CNTNAP2: variants seen among roughly 807,000 people sequenced by gnomAD.
CNTNAP2 encodes contactin associated protein 2, also known as contactin-associated protein-like 2.
CNTNAP2 carries 98 observed loss-of-function variants against 155.2 expected under a neutral mutation model. That is an observed-to-expected ratio of 0.63 (90% CI 0.54 to 0.75). The LOEUF (loss-of-function observed/expected upper bound fraction) is 0.75. Ranked by LOEUF, CNTNAP2 falls within the 30% of genes least tolerant of loss-of-function variation. The probability of loss-of-function intolerance (pLI) is 0.00; values close to 1 mark genes in which losing one functional copy is unlikely to be tolerated. For missense variants in CNTNAP2, 1,727 were observed against 1,688.1 expected, an observed-to-expected ratio of 1.02 and a Z score of -0.40; for synonymous variants, 651 against 631.2, an observed-to-expected ratio of 1.03 and a Z score of -0.47.
At chr7:147,813,159 A>T (rs1434379065) in intron 13 of CNTNAP2, among the ~76,000 whole-genome samples, 1 of 151,854 alleles carries the variant, frequency 6.6e-6, no homozygotes, top group African/African-American at 2.4e-5. Flanking sequence ...AGATGGACTC[A>T]TAGCTTATAC....
intron 17 of CNTNAP2, among the ~76,000 whole-genome samples, chr7:148,154,282 A>T (rs1805360055): frequency 1.3e-5 from 2 of 152,186 alleles, no homozygotes; most frequent in Non-Finnish European, 2.9e-5. Flanking sequence ...TTCCTCTGAC[A>T]GTTTGTCTAT....
chr7:147,471,726 G>A (rs1798218391), intron 10 of CNTNAP2, among the ~76,000 whole-genome samples: 2 of 152,290 alleles, frequency 1.3e-5, no homozygotes, highest in South Asian at 4.1e-4. Flanking sequence ...CAGTATTCTA[G>A]GCAAGGGATA....
chr7:148,364,790 G>A (rs1316459892), intron 21 of CNTNAP2, among the ~76,000 whole-genome samples: 5 of 152,210 alleles, frequency 3.3e-5, no homozygotes, highest in South Asian at 2.1e-4. Context: ...CAGGCTGCCC[G>A]AGCCAGCATT....
At chr7:148,349,495 A>G (rs576950888) in intron 21 of CNTNAP2, among the ~76,000 whole-genome samples, 2 of 144,894 alleles carry the variant, frequency 1.4e-5, no homozygotes, top group East Asian at 2.0e-4. Flanking sequence ...TTTGCCTCCC[A>G]GGTTCACGCC....
At chr7:147,953,967 C>T (rs1337039213) in intron 14 of CNTNAP2, among the ~76,000 whole-genome samples, 1 of 152,096 alleles carries the variant, frequency 6.6e-6, no homozygotes, top group Non-Finnish European at 1.5e-5. Flanking sequence ...GGGGTTAGAA[C>T]TTGAAAATAT....
chr7:148,395,124 C>CT (rs1440430289), intron 22 of CNTNAP2, among the ~76,000 whole-genome samples: 1 of 145,452 alleles, frequency 6.9e-6, no homozygotes, highest in African/African-American at 2.6e-5. Context: ...TGTTGACCCC[C>CT]CCCCCTTATT....
intron 3 of CNTNAP2, among the ~76,000 whole-genome samples, chr7:146,949,589 C>A (rs1192565105): frequency 1.3e-5 from 2 of 152,174 alleles, no homozygotes; most frequent in Non-Finnish European, 2.9e-5. Flanking sequence ...AATACCCTTG[C>A]ATTATTTAGT....
intron 1 of CNTNAP2, among the ~76,000 whole-genome samples, chr7:146,449,625 T>A (rs181971537): frequency 3.5e-4 from 53 of 152,258 alleles, no homozygotes; most frequent in Middle Eastern, 3.4e-3. Flanking sequence ...TAGCTAGCCC[T>A]TTGATATCAC....
chr7:148,348,160 C>T (rs1246282073), intron 21 of CNTNAP2, among the ~76,000 whole-genome samples: 1 of 152,154 alleles, frequency 6.6e-6, no homozygotes, highest in Non-Finnish European at 1.5e-5. Flanking sequence ...GCTCTGCTCC[C>T]GGCCACCCAT....
At chr7:147,578,834 C>CAG (rs937375057) in intron 12 of CNTNAP2, among the ~76,000 whole-genome samples, 3 of 150,330 alleles carry the variant, frequency 2.0e-5, no homozygotes, top group African/African-American at 5.0e-5. Context: ...TCATTTTCAA[C>CAG]AGAGATACAA....
In CNTNAP2 at chr7:147,560,168, C is replaced by CAAAAAAAAAAAAAAAAAAAAA. The variant is rs71183016; in HGVS notation, c.1778-1967_1778-1947dup. On this transcript the variant is annotated intron_variant, in intron 11 of 23. Transcript: ENST00000361727. ...GGGCAACAAGAACGAAACTCCGTCT[C>CAAAAAAAAAAAAAAAAAAAAA]AAAAAAAAAAAAAAAAAAAAAAATT... is the stretch of plus-strand genomic sequence containing the variant. 3.4e-3 allele frequency among the ~76,000 whole-genome samples: 178 copies of CAAAAAAAAAAAAAAAAAAAAA among 52,788 alleles called. 19 individuals are homozygous for CAAAAAAAAAAAAAAAAAAAAA. The highest frequency in any genetic ancestry group is 9.6e-3 in the East Asian group (10 of 1,038). The allele number at this position is 52,788 out of a possible 152,430, so 34.6% of individuals were successfully genotyped here.
At chr7:146,574,084 C>T (rs1471211135) in intron 1 of CNTNAP2, among the ~76,000 whole-genome samples, 1 of 152,108 alleles carries the variant, frequency 6.6e-6, no homozygotes, top group African/African-American at 2.4e-5. Flanking sequence ...TCCTATGAGG[C>T]GTGCTTGACA....
intron 10 of CNTNAP2, among the ~76,000 whole-genome samples, chr7:147,479,798 A>G (rs1004858938): frequency 6.6e-6 from 1 of 152,146 alleles, no homozygotes; most frequent in South Asian, 2.1e-4. Flanking sequence ...GCATTTAAAC[A>G]TTTCTATAAA....
At chr7:146,366,175 T>C (rs1328875192) in intron 1 of CNTNAP2, among the ~76,000 whole-genome samples, 6 of 152,130 alleles carry the variant, frequency 3.9e-5, no homozygotes, top group Non-Finnish European at 7.4e-5. Flanking sequence ...AAAGTGATAA[T>C]GTGTTTTCTA....
At chr7:147,939,328 AT>A (rs56165051) in intron 14 of CNTNAP2, among the ~76,000 whole-genome samples, 17,767 of 149,062 alleles carry the variant, frequency 0.12, 1,391 homozygotes, top group Middle Eastern at 0.26. Flanking sequence ...TTCATGTAGG[AT>A]TTTTTTTTTT....
chr7:148,120,018 T>C (rs1804566553), intron 16 of CNTNAP2, among the ~76,000 whole-genome samples: 1 of 151,862 alleles, frequency 6.6e-6, no homozygotes, highest in African/African-American at 2.4e-5. Context: ...TGAATCAAAC[T>C]ATTTTCTGAC....
chr7:147,489,464 A>C (rs1469724208), intron 11 of CNTNAP2, among the ~76,000 whole-genome samples: 3 of 152,220 alleles, frequency 2.0e-5, no homozygotes, highest in Non-Finnish European at 4.4e-5. Context: ...ATTTTCTCAT[A>C]CAGGCATTCC....
intron 8 of CNTNAP2, among the ~76,000 whole-genome samples, chr7:147,181,759 C>T (rs912807883): frequency 3.3e-5 from 5 of 152,106 alleles, no homozygotes; most frequent in African/African-American, 9.7e-5. Context: ...GAAGGCAGTT[C>T]TTTATAGAAG....
intron 3 of CNTNAP2, among the ~76,000 whole-genome samples, chr7:146,912,155 A>G (rs373536791): frequency 2.8e-4 from 42 of 150,590 alleles, no homozygotes; most frequent in African/African-American, 9.5e-4. Flanking sequence ...TGAGATGCAC[A>G]TATTTGGAAT....
Sources: gnomAD v4.1 joint callset for allele counts (sites outside exome capture counted in the v4.1 genomes callset) on GRCh38, gnomAD v4.1.1 for gene constraint, MANE v1.5 for transcripts, NCBI Gene and HGNC (gene_info 2026-07-23, HGNC 2026-07-21) for gene names.